LCLAT1: variants seen among roughly 807,000 people sequenced by gnomAD.
LCLAT1 encodes 1-AGP acyltransferase 8.
In LCLAT1, 11 loss-of-function variants were observed where a neutral mutation model predicts 30.7. That is an observed-to-expected ratio of 0.36 (90% CI 0.23 to 0.59). The LOEUF (loss-of-function observed/expected upper bound fraction) is 0.59. Ranked by LOEUF, LCLAT1 falls within the 20% of genes least tolerant of loss-of-function variation. The probability of loss-of-function intolerance (pLI) is 0.77; values close to 1 mark genes in which losing one functional copy is unlikely to be tolerated. For missense variants in LCLAT1, 402 were observed against 458.6 expected, an observed-to-expected ratio of 0.88 and a Z score of 1.13; for synonymous variants, 155 against 151.3, an observed-to-expected ratio of 1.02 and a Z score of -0.18.
intron 1 of LCLAT1, among the ~76,000 whole-genome samples, chr2:30,467,012 C>T (rs765361423): frequency 2.2e-4 from 34 of 152,142 alleles, no homozygotes; most frequent in Non-Finnish European, 4.7e-4. Flanking sequence ...CATATGTATA[C>T]ATGTGCCATG....
At chr2:30,472,358 G>A (rs985245444) in intron 1 of LCLAT1, among the ~76,000 whole-genome samples, 1 of 152,106 alleles carries the variant, frequency 6.6e-6, no homozygotes, top group Non-Finnish European at 1.5e-5. Context: ...TCACTGGCTT[G>A]TAAAACTGGA....
At chr2:30,543,083 G>A (rs937014328) in intron 3 of LCLAT1, among the ~76,000 whole-genome samples, 25 of 151,738 alleles carry the variant, frequency 1.6e-4, no homozygotes, top group African/African-American at 5.6e-4. Context: ...TCACTGTTGA[G>A]TATAATGCTA....
intron 1 of LCLAT1, among the ~76,000 whole-genome samples, chr2:30,494,803 T>C (rs1176358736): frequency 6.6e-6 from 1 of 151,862 alleles, no homozygotes; most frequent in African/African-American, 2.4e-5. Context: ...CAAAGCTTCA[T>C]CTTTCTGTTT....
chr2:30,506,847 T>C (rs974622699), intron 1 of LCLAT1, among the ~76,000 whole-genome samples: 2 of 152,144 alleles, frequency 1.3e-5, no homozygotes, highest in Non-Finnish European at 2.9e-5. Flanking sequence ...TCCATAGATT[T>C]AAAAGAAATT....
intron 5 of LCLAT1, among the ~76,000 whole-genome samples, chr2:30,612,969 CAG>C (rs1014534207): frequency 4.6e-5 from 7 of 152,040 alleles, no homozygotes; most frequent in African/African-American, 1.7e-4. Context: ...ATGGGGCTTA[CAG>C]AGAAAATAAA....
At chr2:30,489,580 C>T (rs905812085) in intron 1 of LCLAT1, among the ~76,000 whole-genome samples, 7 of 152,178 alleles carry the variant, frequency 4.6e-5, no homozygotes, top group African/African-American at 1.2e-4. Flanking sequence ...TCTCGATCTC[C>T]TGACCTCGTG....
chr2:30,560,693 G>A (rs185007684), intron 3 of LCLAT1, among the ~76,000 whole-genome samples: 240 of 152,128 alleles, frequency 1.6e-3, no homozygotes, highest in African/African-American at 5.5e-3. Context: ...GTATTATCAG[G>A]GTTCTGTTGT....
chr2:30,630,760 T>C (rs778582246), intron 5 of LCLAT1, among the ~76,000 whole-genome samples: 10 of 152,176 alleles, frequency 6.6e-5, no homozygotes, highest in Non-Finnish European at 1.2e-4. Flanking sequence ...ATGAATGGCA[T>C]TGAGTCACTT....
In LCLAT1 at chr2:30,640,758, T is replaced by A; in HGVS notation, c.*139T>A. 2 of 1,099,272 alleles carry A rather than the reference T, an allele frequency of 1.8e-6. No homozygotes were observed. The highest frequency in any genetic ancestry group is 2.5e-6 in the Non-Finnish European group (2 of 791,546). The allele number at this position is 1,099,272 out of a possible 1,614,324, so 68.1% of individuals were successfully genotyped here. ...TTATTTGTTAAAGATATTTTGCACT[T>A]AATTTTGTGGGAAAAATATTGCTAC... is the stretch of plus-strand genomic sequence containing the variant. On this transcript the variant is annotated 3_prime_UTR_variant, in exon 6 of 6. Transcript: ENST00000379509.
At chr2:30,584,332 C>T (rs564693738) in intron 5 of LCLAT1, among the ~76,000 whole-genome samples, 2 of 152,150 alleles carry the variant, frequency 1.3e-5, no homozygotes, top group African/African-American at 4.8e-5. Context: ...CTCAATGCAT[C>T]TAGCCAAAAA....
chr2:30,506,788 G>A (rs829655), intron 1 of LCLAT1, among the ~76,000 whole-genome samples: 2 of 151,996 alleles, frequency 1.3e-5, no homozygotes, highest in African/African-American at 2.4e-5. Context: ...ACAGCAGTTA[G>A]AAAATGCAGA....
At chr2:30,459,132 A>G (rs183938807) in intron 1 of LCLAT1, among the ~76,000 whole-genome samples, 12 of 152,312 alleles carry the variant, frequency 7.9e-5, no homozygotes, top group African/African-American at 2.6e-4. Flanking sequence ...TCCTCTAGCC[A>G]TCTTTGAAAC....
Position 30,640,396 on chromosome 2 carries a change from G to C in LCLAT1, c.908G>C (p.Arg303Thr). The change falls in exon 6 of 6, where the codon AGG becomes ACG. Residue 303 changes from arginine to threonine, a missense_variant. Arg to Thr is a moderately conservative substitution (Grantham distance 71). Coordinates refer to ENST00000379509, the MANE Select transcript of LCLAT1 (RefSeq NM_001002257.3). ...SVIPPCKSEL[R>T]VLVVKLLSIL... The stretch of plus-strand genomic sequence containing the variant: ...ATTCCACCTTGCAAGTCTGAACTCA[G>C]GGTCCTTGTGGTCAAATTGCTCTCT... 6.2e-7 allele frequency: 1 copy of C among 1,614,174 alleles called. No individual in the cohort carries two copies. Among genetic ancestry groups the C allele is most frequent in the Non-Finnish European group, 8.5e-7 (1 of 1,180,018 alleles).
At chr2:30,585,504 C>T (rs553332097) in intron 5 of LCLAT1, among the ~76,000 whole-genome samples, 2 of 152,260 alleles carry the variant, frequency 1.3e-5, no homozygotes, top group Non-Finnish European at 2.9e-5. Context: ...TCCATGATCT[C>T]CTCATTATTC....
intron 3 of LCLAT1, among the ~76,000 whole-genome samples, chr2:30,548,326 G>T (rs769553475): frequency 2.6e-4 from 39 of 152,228 alleles, no homozygotes; most frequent in Non-Finnish European, 2.5e-4. Context: ...CAAAGTGGTC[G>T]GGGTACAGCT....
rs1469237970 is a variant in LCLAT1 at position 30,486,678 on chromosome 2, T to C, written c.-4-38909T>C. Among the ~76,000 whole-genome samples the C allele has an allele frequency of 2.0e-5, 3 of 152,206 alleles. No homozygotes were observed. In the East Asian group the frequency reaches 5.8e-4, roughly 29 times the overall value. On this transcript the variant is annotated intron_variant, in intron 1 of 5. Transcript: ENST00000379509. ...CCTGAACCTGGAGCTAGCTAGCTCT[T>C]GTGACTGAGTTCTAGCCAATGGAAT...
intron 5 of LCLAT1, among the ~76,000 whole-genome samples, chr2:30,620,782 T>C (rs531290026): frequency 6.6e-6 from 1 of 152,136 alleles, no homozygotes; most frequent in African/African-American, 2.4e-5. Flanking sequence ...CAATAAAAAA[T>C]TCGTTTTCTT....
intron 1 of LCLAT1, among the ~76,000 whole-genome samples, chr2:30,502,991 A>G (rs939910883): frequency 6.6e-6 from 1 of 152,210 alleles, no homozygotes; most frequent in African/African-American, 2.4e-5. Flanking sequence ...TAGGCAACGT[A>G]TGGTCTCTTG....
At chr2:30,465,603 C>T (rs1376556632) in intron 1 of LCLAT1, among the ~76,000 whole-genome samples, 2 of 152,174 alleles carry the variant, frequency 1.3e-5, no homozygotes, top group African/African-American at 4.8e-5. Flanking sequence ...GCACTTAATT[C>T]TTATCTACTC....
Sources: allele counts gnomAD v4.1 joint callset (sites outside exome capture counted in the v4.1 genomes callset), GRCh38; gene constraint gnomAD v4.1.1; transcripts MANE v1.5; gene names NCBI Gene and HGNC (gene_info 2026-07-23, HGNC 2026-07-21).